Variants in CDH16 observed in about 807,000 individuals in gnomAD.
CDH16 encodes cadherin 16.
In CDH16, 79 loss-of-function variants were observed where a neutral mutation model predicts 87.6. That is an observed-to-expected ratio of 0.90 (90% CI 0.75 to 1.09). The LOEUF is 1.09. Among genes scored for constraint, CDH16 ranks in the 50% least tolerant of loss-of-function variants. CDH16 has a pLI of 0.00. For synonymous variants in CDH16, 457 were observed against 439.5 expected (o/e 1.04, Z -0.50); for missense variants, 1,124 against 1,071.7 (o/e 1.05, Z -0.68).
intron 14 of CDH16, chr16:66,910,927 C>G (rs941972174): frequency 2.6e-5 from 12 of 453,878 alleles, no homozygotes; most frequent in Admixed American, 4.0e-5. Context: ...CCTCCAGTGG[C>G]TAAAGGACAG....
chr16:66,909,394 A>C lies in CDH16; in HGVS notation c.2276-11T>G, dbSNP rs1197010397. Reference sequence around the variant, plus strand: ...AGCGACACACGATCACTGAGGGGAGAGGGGAGGAAGGTAAGGGGAGGGAGG... The same window carrying C: ...AGCGACACACGATCACTGAGGGGAGCGGGGAGGAAGGTAAGGGGAGGGAGG... On this transcript the variant is annotated splice_polypyrimidine_tract_variant and intron_variant, in intron 16 of 17. Coordinates refer to ENST00000299752, the MANE Select transcript of CDH16 (RefSeq NM_004062.4). This position sits in a 1 kb window ranked among gnomAD's most constrained non-coding sequence, Gnocchi z 4.1. 1.0e-5 allele frequency: 7 copies of C among 669,880 alleles called. No individual in the cohort carries two copies. Among genetic ancestry groups the C allele is most frequent in the Non-Finnish European group, 1.5e-5 (6 of 393,044 alleles). 41.5% of individuals were successfully genotyped at this position (669,880 alleles called of 1,614,324 possible).
chr16:66,916,311 G>A lies in CDH16; in HGVS notation c.248C>T (p.Ala83Val), dbSNP rs1962683140. The change falls in exon 4 of 18, where the codon GCC (alanine) becomes GTC (valine). Residue 83 changes from alanine (A) to valine (V), a missense_variant. Transcript: ENST00000299752. The surrounding 1 kb of genome is among the most constrained non-coding windows in gnomAD (Gnocchi z 4.1). ...PDSGFLLVTR[A>V]LDREEQAEYQ... ...CTCTGCCTGCTCCTCTCGGTCCAGGGCCCTGGTCACCAGCAGGAAGCCAGA... is the reference window on the plus strand; with the variant it reads ...CTCTGCCTGCTCCTCTCGGTCCAGGACCCTGGTCACCAGCAGGAAGCCAGA... The A allele has an allele frequency of 6.2e-7, 1 of 1,614,082 alleles. No individual in the cohort carries two copies. Among genetic ancestry groups the A allele is most frequent in the Non-Finnish European group, 8.5e-7 (1 of 1,179,938 alleles).
Position 66,913,181 on chromosome 16 carries a change from A to C in CDH16, c.1004T>G (p.Ile335Ser). 1.2e-6 allele frequency: 2 copies of C among 1,608,428 alleles called. No individual in the cohort carries two copies. Among genetic ancestry groups the C allele is most frequent in the Non-Finnish European group, 1.7e-6 (2 of 1,177,262 alleles). Residue 335 changes from isoleucine (I) to serine (S), a missense_variant, in exon 9 of 18, where the codon ATC becomes AGC. Ile to Ser is a moderately radical substitution (Grantham distance 142). Transcript: ENST00000299752. The stretch of plus-strand genomic sequence containing the variant: ...GACTGTGGGGTCACGGGGAGGGCAG[A>C]TAGGCACGTTGTCATTCTCATCCAT... ...LVMDENDNVP[I>S]CPPRDPTVSI...
Position 66,914,352 on chromosome 16 carries a change from T to A in CDH16, c.644A>T (p.Asp215Val). 1 of 1,614,212 alleles carries A rather than the reference T, an allele frequency of 6.2e-7. No individual in the cohort carries two copies. The highest frequency in any genetic ancestry group is 2.2e-5 in the East Asian group (1 of 44,886). Reference sequence around the variant, plus strand: ...GTGGCCTGAGGCCTGGTCACCCATGTCCTTGACCTGTACCAACAGCTGGTA... The same window carrying A: ...GTGGCCTGAGGCCTGGTCACCCATGACCTTGACCTGTACCAACAGCTGGTA... ...RTYQLLVQVKDMGDQASGHQA... is the reference protein window; with the variant it reads ...RTYQLLVQVKVMGDQASGHQA... Residue 215 changes from aspartate (D) to valine (V), a missense_variant, in exon 7 of 18, where the codon GAC (aspartate) becomes GTC (valine). Asp to Val is a radical substitution (Grantham distance 152). Coordinates refer to ENST00000299752, the MANE Select transcript of CDH16 (RefSeq NM_004062.4).
rs779923317 is a variant in CDH16 at position 66,912,527 on chromosome 16, C to A, written c.1336G>T (p.Ala446Ser). 2 of 1,614,158 alleles carry A rather than the reference C, an allele frequency of 1.2e-6. No individual in the cohort carries two copies. Among genetic ancestry groups the A allele is most frequent in the South Asian group, 1.1e-5 (1 of 91,084 alleles). ...ACCTGGGAAGTGATGAACTCAGGGG[C>A]GTGATCATTGATATCTGTGACTGCG... ...EVAVTDINDHAPEFITSQIGP... is the reference protein window; with the variant it reads ...EVAVTDINDHSPEFITSQIGP... The change falls in exon 11 of 18, where the codon GCC becomes TCC. Residue 446 changes from alanine (A) to serine (S), a missense_variant. Coordinates refer to ENST00000299752, the MANE Select transcript of CDH16 (RefSeq NM_004062.4).
At position 66,914,381 on chromosome 16, in the gene CDH16, C is replaced by G. The variant is rs1437680564; in HGVS notation, c.615G>C (p.Arg205Ser). 1.9e-6 allele frequency: 3 copies of G among 1,614,132 alleles called. No individual in the cohort carries two copies. Among genetic ancestry groups the G allele is most frequent in the Admixed American group, 1.7e-5 (1 of 60,020 alleles). Residue 205 changes from arginine (R) to serine (S), a missense_variant, in exon 7 of 18, where the codon AGG becomes AGC. Physicochemically the swap from Arg to Ser is moderately radical, Grantham distance 110. Coordinates refer to ENST00000299752, the MANE Select transcript of CDH16 (RefSeq NM_004062.4). Reference sequence around the variant, plus strand: ...TGACCTGTACCAACAGCTGGTAGGTCCTCTCCAGGGCGTGGTCAAGGCTGG... The same window carrying G: ...TGACCTGTACCAACAGCTGGTAGGTGCTCTCCAGGGCGTGGTCAAGGCTGG... ...GSTSLDHALERTYQLLVQVKD... is the reference protein window; with the variant it reads ...GSTSLDHALESTYQLLVQVKD...
chr16:66,914,330 G>A lies in CDH16; in HGVS notation c.666C>T (p.Gly222=), dbSNP rs1400145969. ...CTTCCACGGTGGCAGTGGCCTGGTG[G>A]CCTGAGGCCTGGTCACCCATGTCCT... is the stretch of plus-strand genomic sequence containing the variant. The part of the protein sequence containing the change: ...QVKDMGDQAS[G]HQATATVEVS... The change falls in exon 7 of 18, where the codon GGC becomes GGT. Residue 222 remains glycine, a synonymous_variant. Transcript: ENST00000299752. 5.0e-6 allele frequency: 8 copies of A among 1,614,044 alleles called. No individual in the cohort carries two copies. The highest frequency in any genetic ancestry group is 6.8e-6 in the Non-Finnish European group (8 of 1,179,988).
chr16:66,910,035 G>C lies in CDH16; in HGVS notation c.2226C>G (p.Ile742Met). 6.2e-7 allele frequency: 1 copy of C among 1,613,142 alleles called. No homozygotes were observed. Among genetic ancestry groups the C allele is most frequent in the Non-Finnish European group, 8.5e-7 (1 of 1,179,430 alleles). ...LHWVEPREHI[I>M]PVVVSHNAQM... is the part of the protein sequence containing the mutation. ...GGGCATTGTGGCTGACCACCACGGG[G>C]ATTATGTGTTCACGTGGCTCCACCC... The change falls in exon 16 of 18, where the codon ATC becomes ATG. Residue 742 changes from isoleucine (I) to methionine (M), a missense_variant. Physicochemically the swap from Ile to Met is conservative, Grantham distance 10 (BLOSUM62 1). Transcript: ENST00000299752.
intron 12 of CDH16, 44 bp downstream of exon 12, chr16:66,912,198 T>G: frequency 6.3e-7 from 1 of 1,599,136 alleles, no homozygotes. Context: ...TGTGCATGCA[T>G]GCGTGCATGT....
At chr16:66,918,405 A>G (rs1339882563) in intron 1 of CDH16, among the ~76,000 whole-genome samples, 1 of 152,230 alleles carries the variant, frequency 6.6e-6, no homozygotes, top group Non-Finnish European at 1.5e-5. Flanking sequence ...CCCAAATCAC[A>G]AAAGTTTGAA....
chr16:66,915,389 G>T lies in CDH16; in HGVS notation c.425-11C>A. ...AGAGGAAGGGGATGCCTGGTTCACG[G>T]TGGGAGGGCAAACTGTAAGGGATAG... On this transcript the variant is annotated splice_polypyrimidine_tract_variant and intron_variant, in intron 5 of 17. Coordinates refer to ENST00000299752, the MANE Select transcript of CDH16 (RefSeq NM_004062.4). The T allele has an allele frequency of 2.5e-6, 4 of 1,613,262 alleles. No individual in the cohort carries two copies. Among genetic ancestry groups the T allele is most frequent in the Non-Finnish European group, 2.5e-6 (3 of 1,179,596 alleles).
rs1206111600 is a variant in CDH16, at chr16:66,916,654, T to G, written c.130-225A>C. ...ACTCTCTGCCCTTCTTTCTGAAGCTTGAAACCTCACCACCGAGATTTCGTT... is the reference window on the plus strand; with the variant it reads ...ACTCTCTGCCCTTCTTTCTGAAGCTGGAAACCTCACCACCGAGATTTCGTT... On this transcript the variant is annotated intron_variant, in intron 3 of 17. Transcript: ENST00000299752. This position sits in a 1 kb window ranked among gnomAD's most constrained non-coding sequence, Gnocchi z 4.1. 6.7e-6 allele frequency among the ~76,000 whole-genome samples: 1 copy of G among 148,206 alleles called. No homozygotes were observed. The highest frequency in any genetic ancestry group is 2.0e-4 in the East Asian group (1 of 4,976).
Position 66,914,351 on chromosome 16 carries a change from G to A in CDH16, c.645C>T (p.Asp215=). The change falls in exon 7 of 18, where the codon GAC becomes GAT. Residue 215 remains aspartate, a synonymous_variant. Coordinates refer to ENST00000299752, the MANE Select transcript of CDH16 (RefSeq NM_004062.4). ...GGTGGCCTGAGGCCTGGTCACCCAT[G>A]TCCTTGACCTGTACCAACAGCTGGT... ...RTYQLLVQVK[D]MGDQASGHQA... 3 of 1,614,224 alleles carry A rather than the reference G, an allele frequency of 1.9e-6. No individual in the cohort carries two copies. Among genetic ancestry groups the A allele is most frequent in the Non-Finnish European group, 2.5e-6 (3 of 1,180,032 alleles).
Position 66,913,164 on chromosome 16 carries a change from G to A in CDH16, c.1021C>T (p.Pro341Ser), listed in dbSNP as rs1391550859. The A allele has an allele frequency of 6.2e-7, 1 of 1,610,068 alleles. No individual in the cohort carries two copies. Among genetic ancestry groups the A allele is most frequent in the Non-Finnish European group, 8.5e-7 (1 of 1,178,172 alleles). ...DNVPICPPRDPTVSIPELSPP... is the reference protein window; with the variant it reads ...DNVPICPPRDSTVSIPELSPP... ...CTGAGCTCAGGGATGCTGACTGTGG[G>A]GTCACGGGGAGGGCAGATAGGCACG... The change falls in exon 9 of 18, where the codon CCC becomes TCC. Residue 341 changes from proline to serine, a missense_variant. By Grantham distance (74) the Pro-to-Ser change is moderately conservative. Transcript: ENST00000299752.
In CDH16 at chr16:66,912,437, G is replaced by A. The variant is rs1414969130; in HGVS notation, c.1360-7C>T. 2 of 1,613,932 alleles carry A rather than the reference G, an allele frequency of 1.2e-6. No homozygotes were observed. Among genetic ancestry groups the A allele is most frequent in the Non-Finnish European group, 1.7e-6 (2 of 1,179,906 alleles). On this transcript the variant is annotated splice_polypyrimidine_tract_variant and splice_region_variant and intron_variant, in intron 11 of 17. Transcript: ENST00000299752. Reference sequence around the variant, plus strand: ...GGAGGCTTATAGGCCCAATCTGGAGGAGGAGGAGGGATGGTGAGCCCCCCA... The same window carrying A: ...GGAGGCTTATAGGCCCAATCTGGAGAAGGAGGAGGGATGGTGAGCCCCCCA...
rs1419012874 is a variant in CDH16, at chr16:66,911,444, TGG to T, written c.1791-131_1791-130del. 26 of 920,334 alleles carry T rather than the reference TGG, an allele frequency of 2.8e-5. No individual in the cohort carries two copies. The East Asian group carries it at 5.1e-4, about 18-fold the overall frequency. The allele number at this position is 920,334 out of a possible 1,614,324, so 57.0% of individuals were successfully genotyped here. Reference sequence around the variant, plus strand: ...GTGACTCAGGGGCCACAGCAAAGCCTGGGGGGCCCAGTCTCTCTCTCCAGCTT... The same window carrying T: ...GTGACTCAGGGGCCACAGCAAAGCCTGGGGCCCAGTCTCTCTCTCCAGCTT... On this transcript the variant is annotated intron_variant, in intron 13 of 17. Transcript: ENST00000299752.
At chr16:66,911,546 G>T (rs567500263) in intron 13 of CDH16, among the ~76,000 whole-genome samples, 3 of 152,186 alleles carry the variant, frequency 2.0e-5, no homozygotes, top group Non-Finnish European at 4.4e-5. Context: ...AACTCTTAGA[G>T]CCTGGGAGGC....
intron 6 of CDH16, 60 bp downstream of exon 6, chr16:66,915,160 A>C: frequency 6.7e-7 from 1 of 1,493,026 alleles, no homozygotes; most frequent in Non-Finnish European, 9.0e-7. Flanking sequence ...TATGGTTCAG[A>C]TACCACCTTC....
rs3785092 is a variant in CDH16, at chr16:66,909,009, A to T, written c.2392+258T>A. Reference sequence around the variant, plus strand: ...GCAAAATGGGGAGATACCAGGATCTACCTCACAGGGTTGCTGGGAGGATTC... The same window carrying T: ...GCAAAATGGGGAGATACCAGGATCTTCCTCACAGGGTTGCTGGGAGGATTC... On this transcript the variant is annotated intron_variant, in intron 17 of 17. Transcript: ENST00000299752. This position sits in a 1 kb window ranked among gnomAD's most constrained non-coding sequence, Gnocchi z 4.1. Among the ~76,000 whole-genome samples, 14,376 of 152,208 alleles carry T rather than the reference A, an allele frequency of 0.094. 799 individuals carry two copies. Among genetic ancestry groups the T allele is most frequent in the East Asian group, 0.2 (1,018 of 5,178 alleles).
Sources: allele counts gnomAD v4.1 joint callset (sites outside exome capture counted in the v4.1 genomes callset), GRCh38; gene constraint gnomAD v4.1.1; non-coding constraint Gnocchi (gnomAD v3.1); transcripts MANE v1.5; gene names NCBI Gene and HGNC (gene_info 2026-07-23, HGNC 2026-07-21).